Variants in TTYH2 observed in about 807,000 individuals in gnomAD.
TTYH2 encodes protein tweety homolog 2.
A neutral mutation model predicts 68.3 loss-of-function variants in TTYH2; 49 were observed. The observed-to-expected ratio is 0.72, with a 90% CI of 0.57 to 0.91. The LOEUF (loss-of-function observed/expected upper bound fraction) is 0.91. Among genes scored for constraint, TTYH2 ranks in the 40% least tolerant of loss-of-function variants. TTYH2 has a pLI of 0.00. For synonymous variants in TTYH2, 272 were observed against 300.8 expected (o/e 0.90, Z 0.99); for missense variants, 631 against 700.4 (o/e 0.90, Z 1.12).
At chr17:74,248,834 C>T in intron 6 of TTYH2, 177 bp from the exon 7 acceptor site, 2 of 1,434,352 alleles carry the variant, frequency 1.4e-6, no homozygotes, top group Non-Finnish European at 1.8e-6. Context: ...TTGTCCAAGG[C>T]AACAGAGCTA....
At chr17:74,235,085 A>G (rs2050429374) in intron 3 of TTYH2, among the ~76,000 whole-genome samples, 2 of 152,216 alleles carry the variant, frequency 1.3e-5, no homozygotes, top group South Asian at 4.1e-4. Flanking sequence ...AGCATAAGCC[A>G]GAAAACGGAA....
intron 3 of TTYH2, 108 bp from the exon 4 acceptor site, chr17:74,237,186 G>T: frequency 9.3e-7 from 1 of 1,075,490 alleles, no homozygotes. Flanking sequence ...AGGCATGAGC[G>T]TAATTATCGC....
intron 6 of TTYH2, among the ~76,000 whole-genome samples, chr17:74,245,685 A>G (rs1567818351): frequency 6.6e-6 from 1 of 152,116 alleles, no homozygotes; most frequent in Non-Finnish European, 1.5e-5. Flanking sequence ...CAGGCGGTGG[A>G]GCTGAATGGG....
chr17:74,229,669 A>G (rs1033104722), intron 2 of TTYH2, among the ~76,000 whole-genome samples: 1 of 152,240 alleles, frequency 6.6e-6, no homozygotes, highest in Admixed American at 6.5e-5. Flanking sequence ...CAGACAATGA[A>G]ATATTATTCA....
At chr17:74,240,590 G>T (rs548293897) in intron 4 of TTYH2, among the ~76,000 whole-genome samples, 1 of 152,172 alleles carries the variant, frequency 6.6e-6, no homozygotes, top group Non-Finnish European at 1.5e-5. Context: ...CCCCTGAAGG[G>T]CCCCTGTCTT....
chr17:74,243,231 T>C (rs1371248166), intron 4 of TTYH2, 143 bp from the exon 5 acceptor site: 7 of 690,982 alleles, frequency 1.0e-5, no homozygotes, highest in Non-Finnish European at 1.8e-5. Flanking sequence ...AGCCCACGCA[T>C]GCTGGGTGCT....
intron 3 of TTYH2, among the ~76,000 whole-genome samples, chr17:74,235,385 G>A (rs997484254): frequency 1.3e-5 from 2 of 152,220 alleles, no homozygotes; most frequent in South Asian, 2.1e-4. Context: ...CTCCCGGCCC[G>A]TTGTGCTTCT....
chr17:74,230,696 A>T (rs1265131360), intron 2 of TTYH2, among the ~76,000 whole-genome samples, 192 bp from the exon 3 acceptor site: 1 of 150,556 alleles, frequency 6.6e-6, no homozygotes, highest in Non-Finnish European at 1.5e-5. Context: ...GAGGGAGTGC[A>T]GTGCCATGAT....
At chr17:74,219,793 G>A (rs1404679919) in intron 1 of TTYH2, among the ~76,000 whole-genome samples, 1 of 152,090 alleles carries the variant, frequency 6.6e-6, no homozygotes, top group African/African-American at 2.4e-5. Flanking sequence ...TATAACACAT[G>A]TTCTATATCT....
intron 5 of TTYH2, 117 bp downstream of exon 5, chr17:74,243,586 C>T (rs1217359497): frequency 9.8e-7 from 1 of 1,021,346 alleles, no homozygotes; most frequent in Non-Finnish European, 1.5e-6. Context: ...CTGCCTGAGG[C>T]CACCTTCTGC....
Position 74,215,851 on chromosome 17 carries a change from G to C in TTYH2, c.129+2135G>C. The C allele has an allele frequency of 1.2e-6, 1 of 841,570 alleles. No individual in the cohort carries two copies. Among genetic ancestry groups the C allele is most frequent in the Non-Finnish European group, 1.8e-6 (1 of 540,742 alleles). The allele number at this position is 841,570 out of a possible 1,614,324, so 52.1% of individuals were successfully genotyped here. A position where few individuals can be genotyped will look rare whatever the true frequency, so the allele number is the denominator to read the frequency against. On this transcript the variant is annotated intron_variant, in intron 1 of 13. Transcript: ENST00000269346. The surrounding 1 kb of genome is among the most constrained non-coding windows in gnomAD (Gnocchi z 4.3). Reference sequence around the variant, plus strand: ...GACTGGAGCAAGTGCTATGCCAGGCGTGGGGTGACCGTGGTAACCAAGGCA... The same window carrying C: ...GACTGGAGCAAGTGCTATGCCAGGCCTGGGGTGACCGTGGTAACCAAGGCA...
intron 3 of TTYH2, among the ~76,000 whole-genome samples, chr17:74,235,966 A>C (rs2050439361): frequency 6.6e-6 from 1 of 152,142 alleles, no homozygotes. Context: ...CACTGCCTAG[A>C]GGGTAGCCCT....
rs199960092 is a variant in TTYH2, at chr17:74,241,262, CGTGTGTGTGTGTGTGT to C, written c.636-2092_636-2077del. On this transcript the variant is annotated intron_variant, in intron 4 of 13. Coordinates refer to ENST00000269346, the MANE Select transcript of TTYH2 (RefSeq NM_032646.6). The surrounding 1 kb of genome is among the most constrained non-coding windows in gnomAD (Gnocchi z 4.1). ...ATAGACAGACCCGGTATTTATAATA[CGTGTGTGTGTGTGTGT>C]GTGTGTGTGTGTGTGTGTGCGTGTA... 1.3e-3 allele frequency among the ~76,000 whole-genome samples: 184 copies of C among 144,796 alleles called. 1 individual carries two copies. The highest frequency in any genetic ancestry group is 7.7e-3 in the East Asian group (37 of 4,832). 95.0% of individuals were successfully genotyped at this position (144,796 alleles called of 152,430 possible).
At chr17:74,259,998 TG>T in intron 13 of TTYH2, 130 bp from the exon 14 acceptor site, 1 of 757,936 alleles carries the variant, frequency 1.3e-6, no homozygotes, top group Non-Finnish European at 2.3e-6. Context: ...TTGATGGATG[TG>T]GGGTGGAGGC....
At chr17:74,233,767 T>C (rs575007889) in intron 3 of TTYH2, among the ~76,000 whole-genome samples, 5 of 152,116 alleles carry the variant, frequency 3.3e-5, no homozygotes, top group African/African-American at 1.2e-4. Flanking sequence ...CTGGGAGGGC[T>C]GCACGCCCCA....
intron 1 of TTYH2, among the ~76,000 whole-genome samples, chr17:74,218,906 G>A (rs938100742): frequency 1.1e-4 from 16 of 152,226 alleles, no homozygotes; most frequent in African/African-American, 3.6e-4. Flanking sequence ...ACACAGGTTT[G>A]TCTGGGGCTC....
chr17:74,247,393 T>C (rs2050570133), intron 6 of TTYH2, among the ~76,000 whole-genome samples: 1 of 152,036 alleles, frequency 6.6e-6, no homozygotes, highest in Non-Finnish European at 1.5e-5. Context: ...CAGGTGCTTG[T>C]CTTCATTAAT....
In TTYH2 at chr17:74,241,810, C is replaced by T. The variant is rs778563107; in HGVS notation, c.636-1564C>T. 7.2e-5 allele frequency among the ~76,000 whole-genome samples: 11 copies of T among 152,190 alleles called. No homozygotes were observed. The highest frequency in any genetic ancestry group is 1.6e-4 in the Non-Finnish European group (11 of 68,032). On this transcript the variant is annotated intron_variant, in intron 4 of 13. Transcript: ENST00000269346. The surrounding 1 kb of genome is among the most constrained non-coding windows in gnomAD (Gnocchi z 4.1). ...TCTCTGTGCCCGCCCCTCCTCTGTC[C>T]ACTCTCCCGCTGGTGCCCAGCACAG...
intron 3 of TTYH2, among the ~76,000 whole-genome samples, chr17:74,233,031 A>G (rs1471537165): frequency 5.3e-5 from 8 of 152,092 alleles, no homozygotes; most frequent in South Asian, 2.1e-4. Flanking sequence ...CTGTGTTCCC[A>G]AAGAGAAGGG....
Sources: gnomAD v4.1 joint callset for allele counts (sites outside exome capture counted in the v4.1 genomes callset) on GRCh38, gnomAD v4.1.1 for gene constraint, Gnocchi (gnomAD v3.1) non-coding constraint, MANE v1.5 for transcripts, NCBI Gene and HGNC (gene_info 2026-07-23, HGNC 2026-07-21) for gene names.